Variants in KCND3 observed in about 807,000 individuals in gnomAD.
The protein encoded by KCND3 is A-type voltage-gated potassium channel KCND3.
KCND3 carries 9 observed loss-of-function variants against 51.1 expected under a neutral mutation model. The observed-to-expected ratio is 0.18, with a 90% confidence interval of 0.11 to 0.31. KCND3 has a LOEUF of 0.31. Ranked by LOEUF, KCND3 falls within the 10% of genes least tolerant of loss-of-function variation. KCND3 has a pLI of 1.00. For synonymous variants in KCND3, 349 were observed against 368.0 expected (o/e 0.95, Z 0.59); for missense variants, 526 against 903.8 (o/e 0.58, Z 5.36).
intron 2 of KCND3, among the ~76,000 whole-genome samples, chr1:111,944,187 G>A (rs1672667444): frequency 6.6e-6 from 1 of 152,176 alleles, no homozygotes; most frequent in Non-Finnish European, 1.5e-5. Flanking sequence ...GGAAGCCCAG[G>A]CCCCTCTGTC....
At chr1:111,908,707 T>C (rs1039405165) in intron 2 of KCND3, among the ~76,000 whole-genome samples, 1 of 152,156 alleles carries the variant, frequency 6.6e-6, no homozygotes, top group Non-Finnish European at 1.5e-5. Flanking sequence ...GAGTATTTCC[T>C]TGACTTAATT....
intron 2 of KCND3, among the ~76,000 whole-genome samples, chr1:111,866,408 G>T (rs1342514540): frequency 6.6e-6 from 1 of 151,720 alleles, no homozygotes; most frequent in Non-Finnish European, 1.5e-5. Context: ...GGGACCATAG[G>T]AGTGCGCCAC....
intron 2 of KCND3, among the ~76,000 whole-genome samples, chr1:111,940,080 T>G (rs1159079702): frequency 1.5e-5 from 2 of 135,128 alleles, no homozygotes; most frequent in African/African-American, 5.3e-5. Context: ...ATGGTTTTTT[T>G]TTTTTTTTTT....
chr1:111,832,743 G>A (rs996655628), intron 2 of KCND3, among the ~76,000 whole-genome samples: 3 of 152,174 alleles, frequency 2.0e-5, no homozygotes, highest in African/African-American at 7.2e-5. Flanking sequence ...AAGATAACGA[G>A]GCTGAAGGGA....
At chr1:111,807,351 A>C (rs1358129317) in intron 2 of KCND3, among the ~76,000 whole-genome samples, 2 of 152,194 alleles carry the variant, frequency 1.3e-5, no homozygotes, top group Non-Finnish European at 2.9e-5. Flanking sequence ...AATACTTACC[A>C]TTGTGTTACA....
At chr1:111,889,194 T>C (rs918218827) in intron 2 of KCND3, among the ~76,000 whole-genome samples, 6 of 152,286 alleles carry the variant, frequency 3.9e-5, no homozygotes, top group African/African-American at 1.4e-4. Flanking sequence ...ATAACCACCA[T>C]AAGTGAACAG....
intron 2 of KCND3, among the ~76,000 whole-genome samples, chr1:111,863,433 C>T (rs1668421887): frequency 6.6e-6 from 1 of 152,074 alleles, no homozygotes; most frequent in African/African-American, 2.4e-5. Context: ...GCAGGAAGCC[C>T]TCAGCAAGGA....
chr1:111,898,781 G>A (rs1435162386), intron 2 of KCND3, among the ~76,000 whole-genome samples: 5 of 152,140 alleles, frequency 3.3e-5, no homozygotes, highest in Non-Finnish European at 7.4e-5. Flanking sequence ...AGCTTCCACT[G>A]AGGCTAAGAG....
chr1:111,777,094 G>A lies in KCND3; in HGVS notation c.1698C>T (p.Arg566=), dbSNP rs1486050155. The change falls in exon 7 of 8, where the codon CGC becomes CGT. Residue 566 remains arginine (R), a synonymous_variant. Transcript: ENST00000302127. ...HLPNSNLPAT[R]LRSMQELSTI... The stretch of plus-strand genomic sequence containing the variant: ...TGCTGAGCTCTTGCATGCTGCGCAG[G>A]CGAGTAGCTGGCAGGTTAGAATTGG... The A allele has an allele frequency of 3.7e-6, 6 of 1,614,002 alleles. No individual in the cohort carries two copies. The East Asian group carries it at 8.9e-5, about 24-fold the overall frequency.
chr1:111,961,847 G>A (rs1052601071), intron 2 of KCND3, among the ~76,000 whole-genome samples: 1 of 152,118 alleles, frequency 6.6e-6, no homozygotes, highest in Non-Finnish European at 1.5e-5. Context: ...GAGACAAGGG[G>A]GCTCAACTAC....
At chr1:111,905,749 C>T (rs1401928161) in intron 2 of KCND3, among the ~76,000 whole-genome samples, 1 of 152,188 alleles carries the variant, frequency 6.6e-6, no homozygotes, top group Non-Finnish European at 1.5e-5. Context: ...AGCAGGGCAT[C>T]AGAATCACCT....
chr1:111,803,871 C>T (rs993426924), intron 2 of KCND3, among the ~76,000 whole-genome samples: 1 of 152,162 alleles, frequency 6.6e-6, no homozygotes, highest in African/African-American at 2.4e-5. Context: ...CTTCTGAGGC[C>T]ACTACTCATT....
intron 2 of KCND3, among the ~76,000 whole-genome samples, chr1:111,862,693 C>A (rs1056397286): frequency 5.9e-5 from 9 of 152,226 alleles, no homozygotes; most frequent in Non-Finnish European, 1.2e-4. Context: ...ACCTTAACCT[C>A]CCTTACCTCA....
At chr1:111,975,734 T>C (rs1674592585) in intron 2 of KCND3, among the ~76,000 whole-genome samples, 1 of 152,178 alleles carries the variant, frequency 6.6e-6, no homozygotes, top group Non-Finnish European at 1.5e-5. Context: ...TCTGGCCTCA[T>C]CTCCTGGTAC....
At chr1:111,805,729 G>C (rs576071211) in intron 2 of KCND3, among the ~76,000 whole-genome samples, 9 of 152,320 alleles carry the variant, frequency 5.9e-5, no homozygotes, top group African/African-American at 2.2e-4. Context: ...ATGTGGCTAG[G>C]GGAGCGCCTA....
At chr1:111,830,475 A>G (rs1666786859) in intron 2 of KCND3, among the ~76,000 whole-genome samples, 1 of 152,178 alleles carries the variant, frequency 6.6e-6, no homozygotes, top group Admixed American at 6.5e-5. Context: ...CTAGGACCCA[A>G]GTGAGACAAG....
At position 111,780,708 on chromosome 1, in the gene KCND3, G is replaced by A. The variant is rs148320813; in HGVS notation, c.1353C>T (p.Asn451=). 15 of 1,611,282 alleles carry A rather than the reference G, an allele frequency of 9.3e-6. No individual in the cohort carries two copies. The highest frequency in any genetic ancestry group is 6.7e-5 in the African/African-American group (5 of 74,908). ...CACCTACCGTCAGCTCCAGCGCCTC[G>A]TTGAGGAGCCCGTTGCGCTTGCTGT... ...YLHSKRNGLL[N]EALELTGTPE... The change falls in exon 4 of 8, where the codon AAC becomes AAT. Residue 451 remains asparagine (N), a synonymous_variant. Transcript: ENST00000302127. This position sits in a 1 kb window ranked among gnomAD's most constrained non-coding sequence, Gnocchi z 4.2.
chr1:111,894,296 C>T (rs1461189128), intron 2 of KCND3, among the ~76,000 whole-genome samples: 1 of 152,166 alleles, frequency 6.6e-6, no homozygotes, highest in Admixed American at 6.5e-5. Flanking sequence ...GTTCCTCTCC[C>T]CCTAGAATGC....
Position 111,931,974 on chromosome 1 carries a change from T to C in KCND3, c.1106+49647A>G, listed in dbSNP as rs1305898757. Among the ~76,000 whole-genome samples, 3 of 152,210 alleles carry C rather than the reference T, an allele frequency of 2.0e-5. No individual in the cohort carries two copies. The East Asian group carries it at 5.8e-4, about 29-fold the overall frequency. On this transcript the variant is annotated intron_variant, in intron 2 of 7. Transcript: ENST00000302127. ...CGTAGTGTCTTCAGCACCACCAACG[T>C]ATACAGTTCTGGAGATAACAGGTCT...
Sources: gnomAD v4.1 joint callset for allele counts (sites outside exome capture counted in the v4.1 genomes callset) on GRCh38, gnomAD v4.1.1 for gene constraint, Gnocchi (gnomAD v3.1) non-coding constraint, MANE v1.5 for transcripts, NCBI Gene and HGNC (gene_info 2026-07-23, HGNC 2026-07-21) for gene names.